EIF4EBP1: variants seen among roughly 807,000 people sequenced by gnomAD.
The protein encoded by EIF4EBP1 is eukaryotic translation initiation factor 4E binding protein 1.
A neutral mutation model predicts 9.2 loss-of-function variants in EIF4EBP1; 5 were observed. That is an observed-to-expected ratio of 0.54 (90% CI 0.28 to 1.14). The LOEUF (loss-of-function observed/expected upper bound fraction) is 1.14, where lower values mean the gene tolerates loss of function less well. Ranked by LOEUF, EIF4EBP1 falls within the 50% of genes most tolerant of loss-of-function variation. The probability of loss-of-function intolerance (pLI) is 0.09; values close to 1 mark genes in which losing one functional copy is unlikely to be tolerated. For missense variants in EIF4EBP1, 139 were observed against 169.6 expected, an observed-to-expected ratio of 0.82 and a Z score of 1.00; for synonymous variants, 62 against 67.0, an observed-to-expected ratio of 0.93 and a Z score of 0.36.
At chr8:38,033,995 A>G (rs7819619) in intron 1 of EIF4EBP1, among the ~76,000 whole-genome samples, 3,579 of 151,846 alleles carry the variant, frequency 0.024, 143 homozygotes, top group African/African-American at 0.08. Context: ...ATCCGCCTGC[A>G]TTGGCCTCCC....
chr8:38,056,444 T>G (rs1809595486), intron 1 of EIF4EBP1, among the ~76,000 whole-genome samples: 1 of 152,158 alleles, frequency 6.6e-6, no homozygotes, highest in Non-Finnish European at 1.5e-5. Flanking sequence ...GGTATGTGAT[T>G]GTCATGGGTA....
chr8:38,055,117 A>G (rs1365383508), intron 1 of EIF4EBP1, among the ~76,000 whole-genome samples: 1 of 152,172 alleles, frequency 6.6e-6, no homozygotes, highest in Non-Finnish European at 1.5e-5. Context: ...GACTAGAGGA[A>G]CACAGCCAGC....
intron 1 of EIF4EBP1, among the ~76,000 whole-genome samples, chr8:38,031,520 G>A (rs752208843): frequency 6.6e-6 from 1 of 152,190 alleles, no homozygotes; most frequent in Non-Finnish European, 1.5e-5. Flanking sequence ...CTGTTTGCAT[G>A]ATGAAATAAA....
intron 1 of EIF4EBP1, among the ~76,000 whole-genome samples, chr8:38,041,996 G>GA (rs376179372): frequency 1.4e-3 from 198 of 142,254 alleles, no homozygotes; most frequent in African/African-American, 4.3e-3. Flanking sequence ...TGTCTCAGAA[G>GA]AAAAAAAAAA....
intron 1 of EIF4EBP1, among the ~76,000 whole-genome samples, chr8:38,044,271 A>C (rs1444571795): frequency 1.3e-5 from 2 of 152,116 alleles, no homozygotes; most frequent in Admixed American, 1.3e-4. Context: ...TGCGCGGCTC[A>C]GTTTACAGAA....
At chr8:38,036,851 T>G (rs1809309973) in intron 1 of EIF4EBP1, among the ~76,000 whole-genome samples, 1 of 151,968 alleles carries the variant, frequency 6.6e-6, no homozygotes, top group Non-Finnish European at 1.5e-5. Context: ...GGTTTCGCCA[T>G]GTTGCCCAGG....
intron 1 of EIF4EBP1, among the ~76,000 whole-genome samples, chr8:38,043,568 A>G (rs1376367419): frequency 6.6e-6 from 1 of 151,620 alleles, no homozygotes; most frequent in African/African-American, 2.4e-5. Flanking sequence ...CTGGTCTCAA[A>G]CTCCTGACCT....
At chr8:38,030,845 GA>G (rs1402664458) in intron 1 of EIF4EBP1, 127 bp downstream of exon 1, 1 of 1,309,382 alleles carries the variant, frequency 7.6e-7, no homozygotes, top group Non-Finnish European at 9.8e-7. Flanking sequence ...AGGGGCATCG[GA>G]GAGACAGCGA....
chr8:38,044,598 C>A (rs1563416124), intron 1 of EIF4EBP1, among the ~76,000 whole-genome samples: 1 of 152,194 alleles, frequency 6.6e-6, no homozygotes, highest in Non-Finnish European at 1.5e-5. Context: ...GCCATCATGC[C>A]AGGCTACTTT....
chr8:38,052,284 A>G (rs1220089065), intron 1 of EIF4EBP1, among the ~76,000 whole-genome samples: 3 of 151,052 alleles, frequency 2.0e-5, no homozygotes, highest in Non-Finnish European at 4.4e-5. Context: ...TTTTTTAGAC[A>G]GGGTCTCGCT....
chr8:38,057,647 C>G (rs1330957225), intron 2 of EIF4EBP1, among the ~76,000 whole-genome samples: 7 of 152,186 alleles, frequency 4.6e-5, no homozygotes, highest in Non-Finnish European at 1.0e-4. Flanking sequence ...GACAAGTTAT[C>G]AAAGACACAG....
At chr8:38,046,244 C>T (rs999331725) in intron 1 of EIF4EBP1, among the ~76,000 whole-genome samples, 1 of 152,070 alleles carries the variant, frequency 6.6e-6, no homozygotes, top group African/African-American at 2.4e-5. Context: ...GAGATGGGAT[C>T]GTGCTTTGTT....
chr8:38,052,850 GC>G (rs1809543273), intron 1 of EIF4EBP1, among the ~76,000 whole-genome samples: 1 of 152,024 alleles, frequency 6.6e-6, no homozygotes, highest in Non-Finnish European at 1.5e-5. Context: ...ACCTCACCCA[GC>G]CTTCGGCTGA....
chr8:38,048,396 A>G (rs974972208), intron 1 of EIF4EBP1, among the ~76,000 whole-genome samples: 3 of 152,204 alleles, frequency 2.0e-5, no homozygotes, highest in Admixed American at 6.5e-5. Context: ...TATTTTTTAA[A>G]AAAAGCAGAG....
intron 1 of EIF4EBP1, among the ~76,000 whole-genome samples, chr8:38,041,527 A>C (rs1028057540): frequency 9.2e-5 from 14 of 152,240 alleles, no homozygotes; most frequent in African/African-American, 3.1e-4. Flanking sequence ...CTTAGAGGGA[A>C]CGTGCTGCCT....
intron 2 of EIF4EBP1, among the ~76,000 whole-genome samples, chr8:38,057,614 C>T (rs143571627): frequency 6.6e-6 from 1 of 152,318 alleles, no homozygotes; most frequent in Non-Finnish European, 1.5e-5. Context: ...TTGGAACACA[C>T]CCATGATGTT....
At chr8:38,048,513 G>A (rs1003433563) in intron 1 of EIF4EBP1, among the ~76,000 whole-genome samples, 3 of 152,096 alleles carry the variant, frequency 2.0e-5, no homozygotes, top group African/African-American at 7.2e-5. Context: ...CACACAGTTG[G>A]ACTTCTAGAT....
intron 1 of EIF4EBP1, among the ~76,000 whole-genome samples, chr8:38,050,346 A>AT (rs1361537032): frequency 6.6e-6 from 1 of 151,946 alleles, no homozygotes; most frequent in Non-Finnish European, 1.5e-5. Context: ...GGTTTTTTAA[A>AT]TTTTTTAAAA....
intron 1 of EIF4EBP1, among the ~76,000 whole-genome samples, chr8:38,035,118 G>C (rs958721225): frequency 6.6e-6 from 1 of 152,192 alleles, no homozygotes; most frequent in Admixed American, 6.5e-5. Flanking sequence ...ATTTTTTAAA[G>C]TGTTGGAAGC....
Sources: gnomAD v4.1 joint callset for allele counts (sites outside exome capture counted in the v4.1 genomes callset) on GRCh38, gnomAD v4.1.1 for gene constraint, MANE v1.5 for transcripts, NCBI Gene and HGNC (gene_info 2026-07-23, HGNC 2026-07-21) for gene names.